The following ARHGEF33 variants were observed in gnomAD, a reference collection of about 807,000 sequenced individuals.
ARHGEF33 encodes the protein DH and coiled-coil domain-containing protein ENSP00000381780.
Under a neutral mutation model 101.9 loss-of-function variants are expected in ARHGEF33, and 72 were observed. That is an observed-to-expected ratio of 0.71 (90% CI 0.58 to 0.86). The LOEUF (loss-of-function observed/expected upper bound fraction) is 0.86, where lower values mean the gene tolerates loss of function less well. Ranked by LOEUF, ARHGEF33 falls within the 40% of genes least tolerant of loss-of-function variation. The pLI is 0.00. For missense variants in ARHGEF33, 1,169 were observed against 1,111.3 expected (o/e 1.05, Z -0.74); for synonymous variants, 499 against 442.5 (o/e 1.13, Z -1.60).
intron 2 of ARHGEF33, among the ~76,000 whole-genome samples, chr2:38,906,566 TAATC>T (rs1362647462): frequency 6.6e-6 from 1 of 152,040 alleles, no homozygotes; most frequent in Non-Finnish European, 1.5e-5. Context: ...ATAAAAGAAA[TAATC>T]AAACTAATGA....
rs1418619364 is a variant in ARHGEF33 at position 38,959,923 on chromosome 2, G to A, written c.1618G>A (p.Glu540Lys). Reference protein sequence around the residue: ...SMQPGKPSDWELEGRKHERPE... With the variant: ...SMQPGKPSDWKLEGRKHERPE... ...GCAGCCCGGGAAGCCCAGTGACTGG[G>A]AGCTGGAGGGCAGGAAGCACGAGCG... is the stretch of plus-strand genomic sequence containing the variant. The change falls in exon 16 of 18, where the codon GAG becomes AAG. Residue 540 changes from glutamate (E) to lysine (K), a missense_variant. Transcript: ENST00000409978. 5.8e-6 allele frequency: 9 copies of A among 1,551,838 alleles called. No individual in the cohort carries two copies. Among genetic ancestry groups the A allele is most frequent in the Non-Finnish European group, 7.8e-6 (9 of 1,146,952 alleles).
intron 17 of ARHGEF33, among the ~76,000 whole-genome samples, chr2:38,966,502 G>A (rs974494722): frequency 6.6e-6 from 1 of 152,198 alleles, no homozygotes; most frequent in Non-Finnish European, 1.5e-5. Context: ...GGGGTTGGGT[G>A]TCATGGGTGC....
At chr2:38,962,509 G>A (rs563826431) in intron 16 of ARHGEF33, among the ~76,000 whole-genome samples, 9 of 152,228 alleles carry the variant, frequency 5.9e-5, no homozygotes, top group African/African-American at 1.9e-4. Flanking sequence ...ATCAGGAACC[G>A]TTAATTGCAC....
At chr2:38,965,019 A>G (rs1228400466) in intron 16 of ARHGEF33, among the ~76,000 whole-genome samples, 1 of 151,796 alleles carries the variant, frequency 6.6e-6, no homozygotes, top group Non-Finnish European at 1.5e-5. Flanking sequence ...TGCAACCCCC[A>G]GTTCTCAAAG....
Position 38,889,905 on chromosome 2 carries a change from T to G in ARHGEF33, c.-240T>G, listed in dbSNP as rs1558419806. On this transcript the variant is annotated 5_prime_UTR_variant, in exon 1 of 18. Coordinates refer to ENST00000409978, the MANE Select transcript of ARHGEF33 (RefSeq NM_001145451.5). Reference sequence around the variant, plus strand: ...AGGGGAAGTCAAGCCTCTCTACTGCTTCTTTTTATAACCTTTAAGTTAATT... The same window carrying G: ...AGGGGAAGTCAAGCCTCTCTACTGCGTCTTTTTATAACCTTTAAGTTAATT... 1 of 470,938 alleles carries G rather than the reference T, an allele frequency of 2.1e-6. No individual in the cohort carries two copies. Among genetic ancestry groups the G allele is most frequent in the Non-Finnish European group, 4.4e-6 (1 of 226,994 alleles). The allele number at this position is 470,938 out of a possible 1,614,324, so 29.2% of individuals were successfully genotyped here. A position where few individuals can be genotyped will look rare whatever the true frequency, so the allele number is the denominator to read the frequency against.
intron 10 of ARHGEF33, among the ~76,000 whole-genome samples, chr2:38,944,689 C>T (rs766198811): frequency 1.1e-4 from 16 of 152,086 alleles, no homozygotes; most frequent in Admixed American, 4.6e-4. Flanking sequence ...GTGAGGGAGG[C>T]GTTGGTCTCT....
At chr2:38,945,305 C>T (rs991481047) in intron 10 of ARHGEF33, among the ~76,000 whole-genome samples, 9 of 152,190 alleles carry the variant, frequency 5.9e-5, no homozygotes, top group South Asian at 2.1e-4. Context: ...TCAAAACACA[C>T]GCTGCCCTCC....
intron 8 of ARHGEF33, 52 bp downstream of exon 8, chr2:38,935,886 C>A: frequency 7.3e-7 from 1 of 1,378,302 alleles, no homozygotes; most frequent in Non-Finnish European, 1.0e-6. Context: ...CCATTATTTT[C>A]CACTTCTATC....
intron 4 of ARHGEF33, among the ~76,000 whole-genome samples, chr2:38,925,308 A>G (rs956175408): frequency 1.3e-5 from 2 of 152,246 alleles, no homozygotes; most frequent in Non-Finnish European, 2.9e-5. Context: ...TTGAAACACT[A>G]TGGGAACCAG....
intron 2 of ARHGEF33, among the ~76,000 whole-genome samples, chr2:38,908,897 C>T (rs1047932524): frequency 6.6e-6 from 1 of 152,164 alleles, no homozygotes; most frequent in Non-Finnish European, 1.5e-5. Context: ...AATCTTCAGG[C>T]CAAACTCTCT....
In ARHGEF33 at chr2:38,953,170, C is replaced by T; in HGVS notation, c.1062C>T (p.Phe354=). The part of the protein sequence containing the change: ...FLKLTNDENN[F]LDYYVAYLRD... ...TTGTGTTTGTTTTAAAGAATAATTT[C>T]TTGGATTATTATGTTGCCTACCTAA... The change falls in exon 12 of 18, where the codon TTC becomes TTT. Residue 354 remains phenylalanine, a synonymous_variant. Coordinates refer to ENST00000409978, the MANE Select transcript of ARHGEF33 (RefSeq NM_001145451.5). 1 of 1,493,474 alleles carries T rather than the reference C, an allele frequency of 6.7e-7. No homozygotes were observed. Among genetic ancestry groups the T allele is most frequent in the Non-Finnish European group, 9.1e-7 (1 of 1,093,672 alleles). The allele number at this position is 1,493,474 out of a possible 1,614,324, so 92.5% of individuals were successfully genotyped here. A position where few individuals can be genotyped will look rare whatever the true frequency, so the allele number is the denominator to read the frequency against.
chr2:38,944,125 A>G, intron 10 of ARHGEF33, 95 bp downstream of exon 10: 1 of 1,285,794 alleles, frequency 7.8e-7, no homozygotes, highest in Non-Finnish European at 1.1e-6. Context: ...GGGCCTATGA[A>G]GAGTTCCAGA....
At chr2:38,956,804 G>A in intron 13 of ARHGEF33, 95 bp from the exon 14 acceptor site, 1 of 1,393,084 alleles carries the variant, frequency 7.2e-7, no homozygotes, top group Non-Finnish European at 9.8e-7. Context: ...AAATGGCTAT[G>A]AATCTCCCAC....
intron 17 of ARHGEF33, among the ~76,000 whole-genome samples, chr2:38,972,324 G>A (rs1668183694): frequency 1.3e-5 from 2 of 152,306 alleles, no homozygotes; most frequent in East Asian, 3.9e-4. Flanking sequence ...TGGGCCATGT[G>A]GAGGCTCTTT....
chr2:38,915,416 G>A (rs935375913), intron 2 of ARHGEF33, among the ~76,000 whole-genome samples: 116 of 116,194 alleles, frequency 1.0e-3, no homozygotes, highest in Non-Finnish European at 1.2e-3. Flanking sequence ...ACAGAATTTC[G>A]CCCTGTCCCC....
At chr2:38,964,324 A>T (rs1269290272) in intron 16 of ARHGEF33, among the ~76,000 whole-genome samples, 2 of 152,100 alleles carry the variant, frequency 1.3e-5, no homozygotes, top group Non-Finnish European at 2.9e-5. Flanking sequence ...ATTGAAGTTC[A>T]TCAACTCACT....
intron 2 of ARHGEF33, among the ~76,000 whole-genome samples, chr2:38,906,353 T>C (rs1666390789): frequency 1.3e-5 from 2 of 152,268 alleles, no homozygotes; most frequent in African/African-American, 4.8e-5. Flanking sequence ...AACAAGGAAA[T>C]TGAAATAATG....
chr2:38,908,028 G>GA (rs879518191), intron 2 of ARHGEF33, among the ~76,000 whole-genome samples: 182 of 142,666 alleles, frequency 1.3e-3, no homozygotes, highest in Middle Eastern at 3.6e-3. Flanking sequence ...CTGGCTAATT[G>GA]AAAAAAAAAA....
chr2:38,970,690 A>G (rs775472549), intron 17 of ARHGEF33, among the ~76,000 whole-genome samples: 1 of 152,242 alleles, frequency 6.6e-6, no homozygotes, highest in Non-Finnish European at 1.5e-5. Flanking sequence ...TTACAGATCA[A>G]TTTAAGGATA....
Sources: allele counts gnomAD v4.1 joint callset (sites outside exome capture counted in the v4.1 genomes callset), GRCh38; gene constraint gnomAD v4.1.1; transcripts MANE v1.5; gene names NCBI Gene and HGNC (gene_info 2026-07-23, HGNC 2026-07-21).